RHOQ: variants seen among roughly 807,000 people sequenced by gnomAD.
The protein encoded by RHOQ is ras homolog family member Q, also known as rho-related GTP-binding protein RhoQ.
A neutral mutation model predicts 25.8 loss-of-function variants in RHOQ; 7 were observed. The ratio of observed to expected loss-of-function variants is 0.27; its 90% CI spans 0.15 to 0.51. The LOEUF (loss-of-function observed/expected upper bound fraction) is 0.51. RHOQ is among the 20% of genes least tolerant of loss of function. RHOQ has a pLI of 0.97. For synonymous variants in RHOQ, 97 were observed against 98.6 expected, an observed-to-expected ratio of 0.98 and a Z score of 0.10; for missense variants, 165 against 260.6, an observed-to-expected ratio of 0.63 and a Z score of 2.53.
chr2:46,572,713 G>A (rs1451153), intron 2 of RHOQ: 1 of 441,700 alleles, frequency 2.3e-6, no homozygotes, highest in Non-Finnish European at 4.5e-6. Flanking sequence ...AAAATATAAT[G>A]GGTTTGTTAA....
At chr2:46,558,603 A>G (rs939127535) in intron 2 of RHOQ, among the ~76,000 whole-genome samples, 2 of 152,094 alleles carry the variant, frequency 1.3e-5, no homozygotes. Flanking sequence ...AAATTTCACA[A>G]TCATAGGCTT....
At chr2:46,546,483 T>TAC (rs1668061097) in intron 2 of RHOQ, among the ~76,000 whole-genome samples, 1 of 22,912 alleles carries the variant, frequency 4.4e-5, no homozygotes, top group African/African-American at 2.2e-4. Context: ...TGTGTATATA[T>TAC]ATATATATAT....
chr2:46,543,027 G>T lies in RHOQ; in HGVS notation c.-20G>T. Reference sequence around the variant, plus strand: ...CGGGGGCTCCGGGGGGACCATGCCCGGAGGCCGGCCGGCAGCAGCATGGCT... The same window carrying T: ...CGGGGGCTCCGGGGGGACCATGCCCTGAGGCCGGCCGGCAGCAGCATGGCT... On this transcript the variant is annotated 5_prime_UTR_variant, in exon 1 of 5. An upstream open reading frame in the 5' UTR gains an earlier in-frame stop. Transcript: ENST00000238738. The T allele has an allele frequency of 2.6e-6, 4 of 1,561,430 alleles. No homozygotes were observed. The highest frequency in any genetic ancestry group is 3.5e-6 in the Non-Finnish European group (4 of 1,156,908).
intron 2 of RHOQ, 80 bp downstream of exon 2, chr2:46,543,892 G>C (rs1667944851): frequency 1.4e-5 from 17 of 1,232,034 alleles, no homozygotes; most frequent in Non-Finnish European, 1.9e-5. Context: ...TGGAAACCGA[G>C]GTGTCTAGGT....
At chr2:46,567,843 G>A (rs1197368273) in intron 2 of RHOQ, among the ~76,000 whole-genome samples, 1 of 151,962 alleles carries the variant, frequency 6.6e-6, no homozygotes, top group East Asian at 1.9e-4. Context: ...AATTGCTTGA[G>A]CCCAGGAGTT....
chr2:46,567,401 T>A (rs908710369), intron 2 of RHOQ, among the ~76,000 whole-genome samples: 1 of 151,968 alleles, frequency 6.6e-6, no homozygotes, highest in African/African-American at 2.4e-5. Flanking sequence ...TCTTCTTTTT[T>A]TTTTTTCTTT....
rs990752520 is a variant in RHOQ at position 46,583,428 on chromosome 2, A to T, written c.*2345A>T. Among the ~76,000 whole-genome samples, 2 of 152,156 alleles carry T rather than the reference A, an allele frequency of 1.3e-5. No individual in the cohort carries two copies. The highest frequency in any genetic ancestry group is 6.5e-5 in the Admixed American group (1 of 15,274). ...TTACCTTTTCAGCTTCACATTCTCA[A>T]GATGGTAAAAATCATGTATATAGAT... is the stretch of plus-strand genomic sequence containing the variant. On this transcript the variant is annotated 3_prime_UTR_variant, in exon 5 of 5. Coordinates refer to ENST00000238738, the MANE Select transcript of RHOQ (RefSeq NM_012249.4).
intron 2 of RHOQ, among the ~76,000 whole-genome samples, chr2:46,567,663 A>T (rs946621810): frequency 6.6e-6 from 1 of 152,068 alleles, no homozygotes; most frequent in Non-Finnish European, 1.5e-5. Context: ...GAGTGCTGTG[A>T]TTACAGGCAT....
At chr2:46,563,529 A>G (rs1445936276) in intron 2 of RHOQ, among the ~76,000 whole-genome samples, 1 of 152,210 alleles carries the variant, frequency 6.6e-6, no homozygotes, top group African/African-American at 2.4e-5. Context: ...AAGAAGATAA[A>G]GGGAAGTAAT....
At chr2:46,544,812 A>G (rs767075502) in intron 2 of RHOQ, among the ~76,000 whole-genome samples, 2 of 152,246 alleles carry the variant, frequency 1.3e-5, no homozygotes, top group Non-Finnish European at 2.9e-5. Context: ...GTCCAGTAGT[A>G]GAATTTCCTT....
At chr2:46,547,280 A>G (rs1329746156) in intron 2 of RHOQ, among the ~76,000 whole-genome samples, 2 of 152,204 alleles carry the variant, frequency 1.3e-5, no homozygotes, top group Admixed American at 6.5e-5. Flanking sequence ...TTGCTCACTC[A>G]TGGTCCCTGC....
intron 2 of RHOQ, among the ~76,000 whole-genome samples, chr2:46,546,518 A>G (rs1435059828): frequency 2.5e-4 from 6 of 24,272 alleles, no homozygotes; most frequent in Non-Finnish European, 3.8e-4. Context: ...ATATGTATAT[A>G]CATATATATA....
At chr2:46,578,038 CAT>C (rs983643992) in intron 4 of RHOQ, among the ~76,000 whole-genome samples, 1 of 152,142 alleles carries the variant, frequency 6.6e-6, no homozygotes. Context: ...GAACCTCTTG[CAT>C]ATGAGTTAAT....
rs1274491404 is a variant in RHOQ at position 46,546,485 on chromosome 2, T to C, written c.201+2673T>C. Among the ~76,000 whole-genome samples, 168 of 28,264 alleles carry C rather than the reference T, an allele frequency of 5.9e-3. 14 individuals are homozygous for C. The highest frequency in any genetic ancestry group is 0.03 in the African/African-American group (159 of 5,368). 18.5% of individuals were successfully genotyped at this position (28,264 alleles called of 152,430 possible). On this transcript the variant is annotated intron_variant, in intron 2 of 4. Coordinates refer to ENST00000238738, the MANE Select transcript of RHOQ (RefSeq NM_012249.4). ...ATATATATATATATGTGTATATATA[T>C]ATATATATATATATATATATATATA...
rs1447982834 is a variant in RHOQ at position 46,576,572 on chromosome 2, A to C, written c.378A>C (p.Arg126=). ...FLLIGTQIDL[R]DDPKTLARLN... ...CCTTTCTTAATTAGATTGATCTCCG[A>C]GATGACCCCAAAACTTTAGCAAGAC... Residue 126 remains arginine, a synonymous_variant, in exon 4 of 5, where the codon CGA becomes CGC. Transcript: ENST00000238738. This position sits in a 1 kb window ranked among gnomAD's most constrained non-coding sequence, Gnocchi z 5.1. 6.2e-7 allele frequency: 1 copy of C among 1,600,298 alleles called. No individual in the cohort carries two copies.
At chr2:46,561,411 G>A (rs1300499702) in intron 2 of RHOQ, among the ~76,000 whole-genome samples, 1 of 152,052 alleles carries the variant, frequency 6.6e-6, no homozygotes, top group Non-Finnish European at 1.5e-5. Flanking sequence ...TGGATGGGGA[G>A]GTGTGGGAGC....
chr2:46,580,255 C>T (rs1233969045), intron 4 of RHOQ: 3 of 152,422 alleles, frequency 2.0e-5, no homozygotes, highest in African/African-American at 7.2e-5. Context: ...CTTTGTTGTT[C>T]CCTCAAAGTT....
At chr2:46,572,979 A>G (rs967032375) in intron 2 of RHOQ, among the ~76,000 whole-genome samples, 6 of 152,152 alleles carry the variant, frequency 3.9e-5, no homozygotes, top group Admixed American at 1.3e-4. Flanking sequence ...ACAGGGGATA[A>G]TTTATTTTCT....
Position 46,552,401 on chromosome 2 carries a change from G to A in RHOQ, c.201+8589G>A, listed in dbSNP as rs1323829596. On this transcript the variant is annotated intron_variant, in intron 2 of 4. Coordinates refer to ENST00000238738, the MANE Select transcript of RHOQ (RefSeq NM_012249.4). The surrounding 1 kb of genome is among the most constrained non-coding windows in gnomAD (Gnocchi z 5.0). ...AATGCTGTTTGGGGGGCTGCCAGGC[G>A]GGCCAGCTTTAGCCTGCAAATGACG... Among the ~76,000 whole-genome samples, 3 of 152,244 alleles carry A rather than the reference G, an allele frequency of 2.0e-5. No individual in the cohort carries two copies. Among genetic ancestry groups the A allele is most frequent in the Admixed American group, 6.5e-5 (1 of 15,286 alleles).
Sources: allele counts gnomAD v4.1 joint callset (sites outside exome capture counted in the v4.1 genomes callset), GRCh38; gene constraint gnomAD v4.1.1; non-coding constraint Gnocchi (gnomAD v3.1); transcripts MANE v1.5; gene names NCBI Gene and HGNC (gene_info 2026-07-23, HGNC 2026-07-21).